The following NME7 variants were observed in gnomAD, a reference collection of about 807,000 sequenced individuals.
NME7 encodes the protein NME/NM23 family member 7, also known as nucleoside diphosphate kinase 7.
In NME7, 41 loss-of-function variants were observed where a neutral mutation model predicts 49.1. The observed-to-expected ratio is 0.83, with a 90% CI of 0.65 to 1.08. The LOEUF (loss-of-function observed/expected upper bound fraction) is 1.08, where lower values mean the gene tolerates loss of function less well. Ranked by LOEUF, NME7 falls within the 50% of genes least tolerant of loss-of-function variation. The probability of loss-of-function intolerance (pLI) is 0.00; values close to 1 mark genes in which losing one functional copy is unlikely to be tolerated. For missense variants in NME7, 423 were observed against 463.4 expected (o/e 0.91, Z 0.80); for synonymous variants, 139 against 150.6 (o/e 0.92, Z 0.56).
intron 4 of NME7, among the ~76,000 whole-genome samples, chr1:169,304,877 C>A (rs187251846): frequency 6.6e-6 from 1 of 152,132 alleles, no homozygotes; most frequent in African/African-American, 2.4e-5. Flanking sequence ...GTATATACTG[C>A]ATTACAGCCT....
intron 11 of NME7, among the ~76,000 whole-genome samples, chr1:169,161,527 C>T (rs77695242): frequency 0.014 from 2,202 of 152,246 alleles, 48 homozygotes; most frequent in African/African-American, 0.048. Flanking sequence ...AGAATCCATG[C>T]AGAAGTAATT....
intron 11 of NME7, among the ~76,000 whole-genome samples, chr1:169,151,100 A>G (rs1432788259): frequency 6.6e-6 from 1 of 152,252 alleles, no homozygotes; most frequent in South Asian, 2.1e-4. Context: ...TGACTGCTGG[A>G]TTGGAGCATT....
intron 10 of NME7, among the ~76,000 whole-genome samples, chr1:169,206,037 C>T (rs1660665316): frequency 6.6e-6 from 1 of 152,062 alleles, no homozygotes; most frequent in Non-Finnish European, 1.5e-5. Flanking sequence ...CTTTTAAATG[C>T]AGCCTTCTCT....
At chr1:169,139,985 C>T (rs1049395051) in intron 11 of NME7, among the ~76,000 whole-genome samples, 2 of 152,064 alleles carry the variant, frequency 1.3e-5, no homozygotes, top group Non-Finnish European at 1.5e-5. Flanking sequence ...ATAATAGTAT[C>T]GTATTAATGT....
At chr1:169,363,229 T>C (rs1388233263) in intron 1 of NME7, among the ~76,000 whole-genome samples, 1 of 151,760 alleles carries the variant, frequency 6.6e-6, no homozygotes, top group Admixed American at 6.6e-5. Context: ...CAGGGCAATA[T>C]CCTGTCTCAA....
intron 11 of NME7, among the ~76,000 whole-genome samples, chr1:169,166,859 C>G (rs971659923): frequency 6.6e-6 from 1 of 152,158 alleles, no homozygotes; most frequent in Non-Finnish European, 1.5e-5. Flanking sequence ...GTAATCCCAG[C>G]TATGCAGGAG....
chr1:169,273,952 T>C (rs1649596172), intron 7 of NME7, among the ~76,000 whole-genome samples: 1 of 132,194 alleles, frequency 7.6e-6, no homozygotes, highest in Non-Finnish European at 1.8e-5. Flanking sequence ...AGCAGCATGA[T>C]TTATAGTCCT....
chr1:169,168,066 A>C (rs1377957041), intron 11 of NME7, among the ~76,000 whole-genome samples: 1 of 152,078 alleles, frequency 6.6e-6, no homozygotes, highest in African/African-American at 2.4e-5. Flanking sequence ...AAAACACCTA[A>C]AACTGGTGAC....
At chr1:169,177,025 A>T (rs759922876) in intron 10 of NME7, among the ~76,000 whole-genome samples, 8 of 152,190 alleles carry the variant, frequency 5.3e-5, no homozygotes, top group Non-Finnish European at 1.0e-4. Context: ...TTATTTTAAC[A>T]CCCTGGACCT....
chr1:169,297,867 C>A (rs73035381), intron 6 of NME7, among the ~76,000 whole-genome samples: 1 of 152,190 alleles, frequency 6.6e-6, no homozygotes, highest in African/African-American at 2.4e-5. Flanking sequence ...GTGATTCAGA[C>A]CACAATGATC....
chr1:169,366,428 A>G (rs1486914979), intron 1 of NME7, among the ~76,000 whole-genome samples: 1 of 152,252 alleles, frequency 6.6e-6, no homozygotes, highest in African/African-American at 2.4e-5. Context: ...GGACTAGGAA[A>G]TAACTGGATA....
intron 1 of NME7, among the ~76,000 whole-genome samples, chr1:169,367,004 G>C (rs554839741): frequency 1.6e-4 from 24 of 152,198 alleles, no homozygotes; most frequent in Non-Finnish European, 3.1e-4. Flanking sequence ...CTCAAACATA[G>C]GGGTGAATTA....
chr1:169,358,001 C>T (rs985869617), intron 1 of NME7, among the ~76,000 whole-genome samples: 6 of 152,092 alleles, frequency 3.9e-5, no homozygotes, highest in African/African-American at 1.4e-4. Context: ...CAATCTCTGC[C>T]ATTTCCCTCC....
chr1:169,209,962 C>G (rs745500881), intron 10 of NME7, among the ~76,000 whole-genome samples: 6 of 152,082 alleles, frequency 3.9e-5, no homozygotes, highest in Non-Finnish European at 7.4e-5. Context: ...GCACAATTAT[C>G]AGATTCTTCT....
chr1:169,159,238 G>A (rs911479429), intron 11 of NME7, among the ~76,000 whole-genome samples: 6 of 152,134 alleles, frequency 3.9e-5, no homozygotes, highest in African/African-American at 7.2e-5. Flanking sequence ...GTGATAACTC[G>A]AGTTCTGACA....
chr1:169,308,270 T>C (rs1401220503), intron 4 of NME7, among the ~76,000 whole-genome samples: 1 of 152,144 alleles, frequency 6.6e-6, no homozygotes, highest in Non-Finnish European at 1.5e-5. Context: ...CGGAATCAGA[T>C]GTATTGAAGC....
intron 7 of NME7, among the ~76,000 whole-genome samples, chr1:169,243,966 GATTAT>G (rs991768738): frequency 4.3e-4 from 65 of 151,790 alleles, no homozygotes; most frequent in Admixed American, 2.5e-3. Flanking sequence ...CAGAGCCTAA[GATTAT>G]ATTATAATAA....
intron 7 of NME7, among the ~76,000 whole-genome samples, chr1:169,274,250 T>G (rs1242797918): frequency 7.4e-6 from 1 of 134,350 alleles, no homozygotes; most frequent in African/African-American, 2.5e-5. Flanking sequence ...GTCTTTTGGC[T>G]GCATAAATGT....
Position 169,334,861 on chromosome 1 carries a change from A to G in NME7, c.4-10361T>C, listed in dbSNP as rs539039383. The stretch of plus-strand genomic sequence containing the variant: ...CAGAATTTACAAGGAACTTAAACAT[A>G]TTTATAAGAAAAAAACAAACAACCC... On this transcript the variant is annotated intron_variant, in intron 1 of 11. Coordinates refer to ENST00000367811, the MANE Select transcript of NME7 (RefSeq NM_013330.5). Among the ~76,000 whole-genome samples the G allele has an allele frequency of 4.6e-5, 7 of 152,236 alleles. No individual in the cohort carries two copies. In the South Asian group the frequency reaches 1.4e-3, roughly 32 times the overall value.
Sources: allele counts gnomAD v4.1 joint callset (sites outside exome capture counted in the v4.1 genomes callset), GRCh38; gene constraint gnomAD v4.1.1; transcripts MANE v1.5; gene names NCBI Gene and HGNC (gene_info 2026-07-23, HGNC 2026-07-21).